The following PELI1 variants were observed in gnomAD, a reference collection of about 807,000 sequenced individuals.
PELI1 encodes the protein E3 ubiquitin-protein ligase pellino homolog 1.
PELI1 carries 15 observed loss-of-function variants against 41.3 expected under a neutral mutation model. That is an observed-to-expected ratio of 0.36 (90% CI 0.24 to 0.56). PELI1 has a LOEUF of 0.56. Among genes scored for constraint, PELI1 ranks in the 20% least tolerant of loss-of-function variants. The probability of loss-of-function intolerance (pLI) is 0.82; values close to 1 mark genes in which losing one functional copy is unlikely to be tolerated. For missense variants in PELI1, 403 were observed against 525.5 expected, an observed-to-expected ratio of 0.77 and a Z score of 2.28; for synonymous variants, 178 against 180.1, an observed-to-expected ratio of 0.99 and a Z score of 0.09.
rs1576078789 is a variant in PELI1 at position 64,108,321 on chromosome 2, G to C, written c.-11C>G. The C allele has an allele frequency of 6.3e-7, 1 of 1,581,932 alleles. No individual in the cohort carries two copies. Among genetic ancestry groups the C allele is most frequent in the East Asian group, 2.2e-5 (1 of 44,688 alleles). ...ATCAGGAGAAAACATGAGCTTGGCT[G>C]TCTTTCTCAAATCTTTGTTCACTGG... is the stretch of plus-strand genomic sequence containing the variant. On this transcript the variant is annotated 5_prime_UTR_variant, in exon 2 of 7. Coordinates refer to ENST00000358912, the MANE Select transcript of PELI1 (RefSeq NM_020651.4).
chr2:64,107,609 G>A (rs79296559), intron 2 of PELI1, among the ~76,000 whole-genome samples: 3,687 of 152,072 alleles, frequency 0.024, 55 homozygotes, highest in Non-Finnish European at 0.037. Context: ...AGTCAGCTGA[G>A]GCAAAACATG....
chr2:64,102,341 T>C (rs935819462), intron 3 of PELI1, among the ~76,000 whole-genome samples: 8 of 152,022 alleles, frequency 5.3e-5, no homozygotes, highest in African/African-American at 9.7e-5. Context: ...CATATATATA[T>C]ACACACGCAC....
At chr2:64,124,981 C>T (rs1335470480) in intron 1 of PELI1, among the ~76,000 whole-genome samples, 1 of 148,716 alleles carries the variant, frequency 6.7e-6, no homozygotes, top group Non-Finnish European at 1.5e-5. Context: ...GTACAGCTCA[C>T]AGAAGAACAA....
In PELI1 at chr2:64,104,811, T is replaced by C. The variant is rs538539019; in HGVS notation, c.91A>G (p.Asn31Asp). Residue 31 changes from asparagine to aspartate, a missense_variant, in exon 3 of 7, where the codon AAT becomes GAT. Physicochemically the swap from Asn to Asp is conservative, Grantham distance 23. Coordinates refer to ENST00000358912, the MANE Select transcript of PELI1 (RefSeq NM_020651.4). ...CTTTTCCTCCTTCCTCTATCGCCAT[T>C]TGGGAGAGACCCATTATACCTGATG... ...IVLGYNGSLP[N>D]GDRGRRKSRF... is the part of the protein sequence containing the mutation. 39 of 1,613,480 alleles carry C rather than the reference T, an allele frequency of 2.4e-5. No homozygotes were observed. The highest frequency in any genetic ancestry group is 3.3e-5 in the Non-Finnish European group (39 of 1,179,654).
chr2:64,108,869 A>C (rs895739795), intron 1 of PELI1, among the ~76,000 whole-genome samples: 1 of 152,252 alleles, frequency 6.6e-6, no homozygotes, highest in African/African-American at 2.4e-5. Context: ...CTCTAGCCAA[A>C]GAAACAAGAA....
rs781256894 is a variant in PELI1, at chr2:64,096,614, A to AG, written c.304-5dup. 1.3e-6 allele frequency: 2 copies of AG among 1,595,316 alleles called. No individual in the cohort carries two copies. The highest frequency in any genetic ancestry group is 1.7e-5 in the Admixed American group (1 of 58,444). ...GGCTTTCAGTCGACCGGCCAATCTG[A>AG]GGGAAAAAAAAAAATACCTATAAAC... is the stretch of plus-strand genomic sequence containing the variant. On this transcript the variant is annotated splice_polypyrimidine_tract_variant and splice_region_variant and intron_variant, in intron 4 of 6. Coordinates refer to ENST00000358912, the MANE Select transcript of PELI1 (RefSeq NM_020651.4).
intron 1 of PELI1, among the ~76,000 whole-genome samples, chr2:64,136,945 T>C (rs187791123): frequency 3.2e-4 from 48 of 152,230 alleles, no homozygotes; most frequent in South Asian, 1.7e-3. Flanking sequence ...TCCCCCACCA[T>C]TGGACATAAA....
intron 1 of PELI1, among the ~76,000 whole-genome samples, chr2:64,114,234 A>C (rs1680916211): frequency 6.6e-6 from 1 of 152,212 alleles, no homozygotes; most frequent in Admixed American, 6.5e-5. Context: ...TTTCAAAAGG[A>C]TGACTCAAAC....
At chr2:64,095,698 C>A (rs1235949842) in intron 6 of PELI1, among the ~76,000 whole-genome samples, 1 of 152,186 alleles carries the variant, frequency 6.6e-6, no homozygotes, top group African/African-American at 2.4e-5. Flanking sequence ...GGCTGGAGTG[C>A]AATGGCGCAA....
chr2:64,112,044 A>T (rs989153287), intron 1 of PELI1, among the ~76,000 whole-genome samples: 1 of 152,140 alleles, frequency 6.6e-6, no homozygotes, highest in African/African-American at 2.4e-5. Flanking sequence ...TCCTATTTAG[A>T]GTTACTATTT....
chr2:64,099,165 TACACACACACACACACACACACAC>T (rs70965174), intron 4 of PELI1, among the ~76,000 whole-genome samples: 1 of 144,802 alleles, frequency 6.9e-6, no homozygotes, highest in Non-Finnish European at 1.5e-5. Context: ...ATCTTGGAGA[TACACACACACACACACACACACAC>T]ACACACACAC....
At chr2:64,097,245 A>G (rs549687513) in intron 4 of PELI1, among the ~76,000 whole-genome samples, 24 of 152,354 alleles carry the variant, frequency 1.6e-4, no homozygotes, top group African/African-American at 5.8e-4. Flanking sequence ...TGTTTCCAGC[A>G]ACAAGCCCCT....
At chr2:64,104,997 G>A (rs1278424270) in intron 2 of PELI1, among the ~76,000 whole-genome samples, 167 bp from the exon 3 acceptor site, 4 of 152,184 alleles carry the variant, frequency 2.6e-5, no homozygotes, top group African/African-American at 9.7e-5. Flanking sequence ...CCAGGTGCCA[G>A]TGTGTGAAAC....
At chr2:64,116,344 C>T (rs1390802953) in intron 1 of PELI1, among the ~76,000 whole-genome samples, 1 of 152,222 alleles carries the variant, frequency 6.6e-6, no homozygotes, top group Admixed American at 6.5e-5. Flanking sequence ...AAATGATCCT[C>T]ACAAAGCAAG....
At chr2:64,101,087 C>G (rs1576071711) in intron 3 of PELI1, among the ~76,000 whole-genome samples, 1 of 152,138 alleles carries the variant, frequency 6.6e-6, no homozygotes, top group South Asian at 2.1e-4. Context: ...AAATTATAAT[C>G]AAAACCAAAT....
intron 3 of PELI1, chr2:64,104,495 G>A (rs1028070811): frequency 1.8e-5 from 12 of 674,134 alleles, no homozygotes; most frequent in Non-Finnish European, 2.3e-5. Context: ...ACTGATCCTG[G>A]TTTGTCATTT....
intron 1 of PELI1, among the ~76,000 whole-genome samples, chr2:64,115,762 T>C (rs1033076284): frequency 6.6e-6 from 1 of 152,214 alleles, no homozygotes; most frequent in African/African-American, 2.4e-5. Flanking sequence ...ATGGGGCTAA[T>C]TCCTAAACAG....
At chr2:64,103,123 T>C (rs891693252) in intron 3 of PELI1, among the ~76,000 whole-genome samples, 2 of 152,110 alleles carry the variant, frequency 1.3e-5, no homozygotes, top group African/African-American at 4.8e-5. Context: ...ATTATAGGTG[T>C]GAGCTACCGC....
At chr2:64,119,048 T>G (rs527946143) in intron 1 of PELI1, among the ~76,000 whole-genome samples, 1 of 152,184 alleles carries the variant, frequency 6.6e-6, no homozygotes, top group East Asian at 1.9e-4. Context: ...CAGCTTTCAG[T>G]TCTCTGTTAA....
Sources: allele counts gnomAD v4.1 joint callset (sites outside exome capture counted in the v4.1 genomes callset), GRCh38; gene constraint gnomAD v4.1.1; transcripts MANE v1.5; gene names NCBI Gene and HGNC (gene_info 2026-07-23, HGNC 2026-07-21).